GREB1: variants seen among roughly 807,000 people sequenced by gnomAD.
GREB1 encodes the protein protein GREB1.
In GREB1, 106 loss-of-function variants were observed where a neutral mutation model predicts 200.7. That is an observed-to-expected ratio of 0.53 (90% CI 0.45 to 0.62). The LOEUF is 0.62. Among genes scored for constraint, GREB1 ranks in the 20% least tolerant of loss-of-function variants. The probability of loss-of-function intolerance (pLI) is 0.00; values close to 1 mark genes in which losing one functional copy is unlikely to be tolerated. For missense variants in GREB1, 2,243 were observed against 2,556.8 expected (o/e 0.88, Z 2.65); for synonymous variants, 1,132 against 1,092.4 (o/e 1.04, Z -0.72).
intron 4 of GREB1, among the ~76,000 whole-genome samples, chr2:11,567,965 G>C (rs1037542597): frequency 6.6e-6 from 1 of 152,158 alleles, no homozygotes; most frequent in Admixed American, 6.6e-5. Context: ...TTCTCATCCC[G>C]TGACTGTGGG....
In GREB1 at chr2:11,633,140, A is replaced by G; in HGVS notation, c.4991+77A>G. The G allele has an allele frequency of 1.4e-6, 2 of 1,419,304 alleles. No homozygotes were observed. Among genetic ancestry groups the G allele is most frequent in the Non-Finnish European group, 2.0e-6 (2 of 1,011,660 alleles). 87.9% of individuals were successfully genotyped at this position (1,419,304 alleles called of 1,614,324 possible). A position where few individuals can be genotyped will look rare whatever the true frequency, so the allele number is the denominator to read the frequency against. On this transcript the variant is annotated intron_variant, in intron 28 of 32. Coordinates refer to ENST00000381486, the MANE Select transcript of GREB1 (RefSeq NM_014668.4). This position sits in a 1 kb window ranked among gnomAD's most constrained non-coding sequence, Gnocchi z 4.1. ...CGAGTGTGCCCTCTTTGTATGGGGA[A>G]TGTGCCCACCCCTGGAAGACCGGAG...
At chr2:11,501,895 GTT>G (rs148843809) in intron 1 of GREB1, among the ~76,000 whole-genome samples, 4 of 45,562 alleles carry the variant, frequency 8.8e-5, no homozygotes, top group African/African-American at 3.6e-4. Context: ...TGGATTTCCT[GTT>G]TTTTTTTGTT....
chr2:11,633,138 G>A lies in GREB1; in HGVS notation c.4991+75G>A, dbSNP rs532639080. The A allele has an allele frequency of 4.4e-5, 64 of 1,439,426 alleles. No individual in the cohort carries two copies. The African/African-American group carries it at 8.6e-4, about 19-fold the overall frequency. 89.2% of individuals were successfully genotyped at this position (1,439,426 alleles called of 1,614,324 possible). A position where few individuals can be genotyped will look rare whatever the true frequency, so the allele number is the denominator to read the frequency against. On this transcript the variant is annotated intron_variant, in intron 28 of 32. Transcript: ENST00000381486. This position sits in a 1 kb window ranked among gnomAD's most constrained non-coding sequence, Gnocchi z 4.1. Reference sequence around the variant, plus strand: ...AACGAGTGTGCCCTCTTTGTATGGGGAATGTGCCCACCCCTGGAAGACCGG... The same window carrying A: ...AACGAGTGTGCCCTCTTTGTATGGGAAATGTGCCCACCCCTGGAAGACCGG...
At chr2:11,587,895 C>A in intron 9 of GREB1, 1 of 999,066 alleles carries the variant, frequency 1.0e-6, no homozygotes, top group South Asian at 4.5e-5. Context: ...TGAACCCGAC[C>A]TGGGCAATTC....
intron 1 of GREB1, among the ~76,000 whole-genome samples, chr2:11,551,636 C>T (rs375501954): frequency 3.4e-4 from 52 of 152,322 alleles, no homozygotes; most frequent in Non-Finnish European, 6.0e-4. Context: ...TTGGAGTTTT[C>T]GTGCCTTTGC....
intron 2 of GREB1, among the ~76,000 whole-genome samples, chr2:11,558,728 C>T (rs114610514): frequency 3.2e-3 from 485 of 152,306 alleles, no homozygotes; most frequent in African/African-American, 0.011. Context: ...CAGGCTTATC[C>T]AGGCCACATC....
rs147469995 is a variant in GREB1 at position 11,591,384 on chromosome 2, A to T, written c.1346-1392A>T. On this transcript the variant is annotated intron_variant, in intron 10 of 32. Coordinates refer to ENST00000381486, the MANE Select transcript of GREB1 (RefSeq NM_014668.4). ...CACCTTCTAAATGGAAGCCTGACGCACTTTCTTCCAGCACATCAAATACGA... is the reference window on the plus strand; with the variant it reads ...CACCTTCTAAATGGAAGCCTGACGCTCTTTCTTCCAGCACATCAAATACGA... 5.0e-3 allele frequency: 3,636 copies of T among 734,540 alleles called. 17 individuals carry two copies. Among genetic ancestry groups the T allele is most frequent in the Non-Finnish European group, 8.3e-3 (3,248 of 392,888 alleles). The allele number at this position is 734,540 out of a possible 1,614,324, so 45.5% of individuals were successfully genotyped here.
chr2:11,628,983 T>C (rs996699864), intron 25 of GREB1, among the ~76,000 whole-genome samples: 1 of 152,214 alleles, frequency 6.6e-6, no homozygotes, highest in African/African-American at 2.4e-5. Flanking sequence ...CTCGTTCTGT[T>C]TTCTCTTCCT....
intron 1 of GREB1, among the ~76,000 whole-genome samples, chr2:11,523,367 C>T (rs190358317): frequency 3.3e-5 from 5 of 152,214 alleles, no homozygotes; most frequent in South Asian, 4.1e-4. Context: ...TGCACACGCA[C>T]CCTAAACCTA....
At chr2:11,562,404 G>T (rs1677155622) in intron 2 of GREB1, 59 bp from the exon 3 acceptor site, 1 of 1,600,440 alleles carries the variant, frequency 6.2e-7, no homozygotes, top group African/African-American at 1.3e-5. Context: ...AAGGCCCTGG[G>T]GGAAGCTCTG....
chr2:11,569,602 AT>A, intron 4 of GREB1, among the ~76,000 whole-genome samples: 1 of 152,386 alleles, frequency 6.6e-6, no homozygotes, highest in East Asian at 1.9e-4. Context: ...CTTTTTGAGC[AT>A]TTATCGTGTG....
chr2:11,628,986 C>G lies in GREB1; in HGVS notation c.4450-962C>G, dbSNP rs571362912. Among the ~76,000 whole-genome samples the G allele has an allele frequency of 2.6e-5, 4 of 152,362 alleles. No homozygotes were observed. In the South Asian group the frequency reaches 8.3e-4, roughly 32 times the overall value. Reference sequence around the variant, plus strand: ...GGCCTGCACCTGCTCGTTCTGTTTTCTCTTCCTTTGCCTCCCAAGGCTCCC... The same window carrying G: ...GGCCTGCACCTGCTCGTTCTGTTTTGTCTTCCTTTGCCTCCCAAGGCTCCC... On this transcript the variant is annotated intron_variant, in intron 25 of 32. Coordinates refer to ENST00000381486, the MANE Select transcript of GREB1 (RefSeq NM_014668.4).
intron 7 of GREB1, among the ~76,000 whole-genome samples, chr2:11,583,006 C>T (rs1261884509): frequency 5.3e-5 from 8 of 152,166 alleles, no homozygotes; most frequent in South Asian, 2.1e-4. Context: ...CACAATGTCC[C>T]GCACCAAACA....
rs369673905 is a variant in GREB1, at chr2:11,637,735, C to T, written c.5366C>T (p.Ala1789Val). 66 of 1,613,320 alleles carry T rather than the reference C, an allele frequency of 4.1e-5. No individual in the cohort carries two copies. The highest frequency in any genetic ancestry group is 2.0e-4 in the East Asian group (9 of 44,876). ...GTGCAGGTGTCTGATAACTCTGCCG[C>T]GGTCGTGCCGGCCCAGTACATCTGT... is the stretch of plus-strand genomic sequence containing the variant. ...ITSKVSDNSA[A>V]VVPAQYICAP... The change falls in exon 31 of 33, where the codon GCG (alanine) becomes GTG (valine). Residue 1789 changes from alanine to valine, a missense_variant. Around this residue, in one of 3 missense-constraint regions of GREB1, gnomAD observed 478 missense variants for 616.3 expected, o/e 0.78. Coordinates refer to ENST00000381486, the MANE Select transcript of GREB1 (RefSeq NM_014668.4).
intron 7 of GREB1, among the ~76,000 whole-genome samples, chr2:11,582,836 G>GAGTT (rs952457065): frequency 7.2e-5 from 11 of 152,244 alleles, no homozygotes; most frequent in African/African-American, 2.7e-4. Flanking sequence ...ATACCACATG[G>GAGTT]AGTTTACTGA....
At chr2:11,499,370 T>C (rs1377817469) in intron 1 of GREB1, among the ~76,000 whole-genome samples, 6 of 152,232 alleles carry the variant, frequency 3.9e-5, no homozygotes, top group Non-Finnish European at 8.8e-5. Context: ...TTGTTTCCGC[T>C]GGTCAGCCGT....
intron 1 of GREB1, among the ~76,000 whole-genome samples, chr2:11,494,917 C>CCGA (rs1672847335): frequency 6.6e-6 from 1 of 152,204 alleles, no homozygotes; most frequent in East Asian, 1.9e-4. Flanking sequence ...TCACCCATGA[C>CCGA]CTGTCTTTGG....
chr2:11,635,616 C>A (rs1320835182), intron 30 of GREB1, among the ~76,000 whole-genome samples: 1 of 152,208 alleles, frequency 6.6e-6, no homozygotes, highest in Non-Finnish European at 1.5e-5. Flanking sequence ...TAACCAGTAT[C>A]CTGCAAGCTT....
chr2:11,638,331 G>A (rs12999112), intron 31 of GREB1, among the ~76,000 whole-genome samples: 36,807 of 151,984 alleles, frequency 0.24, 4,499 homozygotes, highest in Middle Eastern at 0.3. Flanking sequence ...AGTAGAGACA[G>A]GGTTTCACTA....
Sources: allele counts gnomAD v4.1 joint callset (sites outside exome capture counted in the v4.1 genomes callset), GRCh38; gene constraint gnomAD v4.1.1; regional missense constraint gnomAD v4.1.1; non-coding constraint Gnocchi (gnomAD v3.1); transcripts MANE v1.5; gene names NCBI Gene and HGNC (gene_info 2026-07-23, HGNC 2026-07-21).